GABBR2: variants seen among roughly 807,000 people sequenced by gnomAD.
GABBR2 encodes the protein gamma-aminobutyric acid type B receptor subunit 2, also known as G-protein coupled receptor 51.
Under a neutral mutation model 105.6 loss-of-function variants are expected in GABBR2, and 23 were observed. That is an observed-to-expected ratio of 0.22 (90% CI 0.16 to 0.31). The LOEUF (loss-of-function observed/expected upper bound fraction) is 0.31. GABBR2 is among the 10% of genes least tolerant of loss of function. GABBR2 has a pLI of 1.00. For synonymous variants in GABBR2, 478 were observed against 499.7 expected (o/e 0.96, Z 0.58); for missense variants, 734 against 1,245.5 (o/e 0.59, Z 6.18).
intron 1 of GABBR2, among the ~76,000 whole-genome samples, chr9:98,581,461 G>A (rs1236461995): frequency 7.7e-6 from 1 of 129,488 alleles, no homozygotes; most frequent in Non-Finnish European, 1.6e-5. Flanking sequence ...ATTTCCCCAA[G>A]AAAGAAAGAG....
chr9:98,360,762 C>T (rs1806229012), intron 13 of GABBR2, among the ~76,000 whole-genome samples: 1 of 152,206 alleles, frequency 6.6e-6, no homozygotes, highest in African/African-American at 2.4e-5. Flanking sequence ...TTAAACGGTC[C>T]AGTAGGACAG....
intron 1 of GABBR2, among the ~76,000 whole-genome samples, chr9:98,637,793 C>A (rs1390470780): frequency 1.3e-5 from 2 of 152,144 alleles, no homozygotes; most frequent in African/African-American, 4.8e-5. Context: ...GCCCACCAAG[C>A]CCCATGTTGG....
At chr9:98,559,279 A>G (rs370050957) in intron 2 of GABBR2, among the ~76,000 whole-genome samples, 67 of 152,136 alleles carry the variant, frequency 4.4e-4, no homozygotes, top group African/African-American at 1.6e-3. Flanking sequence ...ACAGGCATGC[A>G]CCACCACTCC....
rs1473286276 is a variant in GABBR2 at position 98,289,886 on chromosome 9, G to A, written c.*698C>T. On this transcript the variant is annotated 3_prime_UTR_variant, in exon 19 of 19. Coordinates refer to ENST00000259455, the MANE Select transcript of GABBR2 (RefSeq NM_005458.8). ...CCTAAATCCCCACGGTCCCAGGAAT[G>A]GGTGTTATTGTGTTAACGTGTGGCA... is the stretch of plus-strand genomic sequence containing the variant. The A allele has an allele frequency of 1.3e-5, 2 of 152,672 alleles. No homozygotes were observed. Among genetic ancestry groups the A allele is most frequent in the South Asian group, 4.1e-4 (2 of 4,836 alleles). The allele number at this position is 152,672 out of a possible 1,614,324, so 9.5% of individuals were successfully genotyped here.
At position 98,539,913 on chromosome 9, in the gene GABBR2, TAAAA is replaced by T. The variant is rs746934812; in HGVS notation, c.630+1956_630+1959del. Reference sequence around the variant, plus strand: ...CCTGGTGACAGAGTGAGACTTCGTCTAAAAAAAAAAAAAAAAAAAGAAAAAGAAA... The same window carrying T: ...CCTGGTGACAGAGTGAGACTTCGTCTAAAAAAAAAAAAAAAGAAAAAGAAA... On this transcript the variant is annotated intron_variant, in intron 3 of 18. Transcript: ENST00000259455. Among the ~76,000 whole-genome samples the T allele has an allele frequency of 8.7e-5, 9 of 103,700 alleles. No individual in the cohort carries two copies. The South Asian group carries it at 1.6e-3, about 18-fold the overall frequency. The allele number at this position is 103,700 out of a possible 152,430, so 68.0% of individuals were successfully genotyped here.
At chr9:98,687,049 A>G (rs1830628947) in intron 1 of GABBR2, among the ~76,000 whole-genome samples, 1 of 152,008 alleles carries the variant, frequency 6.6e-6, no homozygotes, top group Non-Finnish European at 1.5e-5. Context: ...CTCAACCCAC[A>G]GACTTCCTTG....
chr9:98,293,890 G>A lies in GABBR2; in HGVS notation c.2555C>T (p.Ala852Val), dbSNP rs1830341096. ...NFTESTDGGK[A>V]ILKNHLDQNP... The stretch of plus-strand genomic sequence containing the variant: ...TTGATCGAGGTGATTTTTTAAAATG[G>A]CCTTTCCTCCATCTGAATGCAAAAC... The change falls in exon 18 of 19, where the codon GCC (alanine) becomes GTC (valine). Residue 852 changes from alanine (A) to valine (V), a missense_variant. Physicochemically the swap from Ala to Val is moderately conservative, Grantham distance 64 (BLOSUM62 0). This residue lies in a region of GABBR2 where 134 missense variants were observed against 171.2 expected (regional missense o/e 0.78). Transcript: ENST00000259455. The A allele has an allele frequency of 6.2e-7, 1 of 1,601,856 alleles. No homozygotes were observed. Among genetic ancestry groups the A allele is most frequent in the African/African-American group, 1.3e-5 (1 of 74,666 alleles).
intron 4 of GABBR2, among the ~76,000 whole-genome samples, chr9:98,489,816 G>C (rs1827138331): frequency 6.6e-6 from 1 of 152,180 alleles, no homozygotes; most frequent in African/African-American, 2.4e-5. Context: ...TGTTATGCTT[G>C]GCACAGGTGG....
At chr9:98,514,906 C>T (rs1044359567) in intron 3 of GABBR2, among the ~76,000 whole-genome samples, 1 of 152,168 alleles carries the variant, frequency 6.6e-6, no homozygotes, top group Non-Finnish European at 1.5e-5. Flanking sequence ...GAAGTCTAGG[C>T]TTGTGAGATA....
chr9:98,330,826 A>C (rs1015991344), intron 13 of GABBR2, among the ~76,000 whole-genome samples: 1 of 152,194 alleles, frequency 6.6e-6, no homozygotes, highest in Non-Finnish European at 1.5e-5. Context: ...TATAGTCACA[A>C]TGCTGTGCAA....
At chr9:98,677,482 T>G (rs536389132) in intron 1 of GABBR2, among the ~76,000 whole-genome samples, 99 of 152,360 alleles carry the variant, frequency 6.5e-4, no homozygotes, top group African/African-American at 2.4e-3. Flanking sequence ...ATTGGCTATG[T>G]ATTCTCTCTT....
intron 2 of GABBR2, among the ~76,000 whole-genome samples, chr9:98,570,392 G>A (rs1463066978): frequency 6.6e-6 from 1 of 152,238 alleles, no homozygotes; most frequent in African/African-American, 2.4e-5. Flanking sequence ...CCTACGAGCA[G>A]CCCTTTATCC....
chr9:98,510,367 G>A lies in GABBR2; in HGVS notation c.631-13853C>T, dbSNP rs1195811340. Among the ~76,000 whole-genome samples, 8 of 152,230 alleles carry A rather than the reference G, an allele frequency of 5.3e-5. No individual in the cohort carries two copies. In the East Asian group the frequency reaches 1.2e-3, roughly 22 times the overall value. On this transcript the variant is annotated intron_variant, in intron 3 of 18. Transcript: ENST00000259455. Reference sequence around the variant, plus strand: ...CTAGGAAGAAACTGCATCAACTAACGAGCAAAATAAACAACTAACATCATA... The same window carrying A: ...CTAGGAAGAAACTGCATCAACTAACAAGCAAAATAAACAACTAACATCATA...
intron 2 of GABBR2, among the ~76,000 whole-genome samples, chr9:98,565,384 T>C (rs1230742590): frequency 1.3e-5 from 2 of 152,100 alleles, no homozygotes; most frequent in East Asian, 1.9e-4. Context: ...GGAAATCACA[T>C]GCAGAGGCCC....
At position 98,288,918 on chromosome 9, in the gene GABBR2, A is replaced by G. The variant is rs964603696; in HGVS notation, c.*1666T>C. On this transcript the variant is annotated 3_prime_UTR_variant, in exon 19 of 19. Coordinates refer to ENST00000259455, the MANE Select transcript of GABBR2 (RefSeq NM_005458.8). ...ATTCCTGACTGCAGTGGTTCTGGGA[A>G]GAGATTATTGCCTGCCTGTTGAAGC... 6.6e-6 allele frequency: 1 copy of G among 152,636 alleles called. No individual in the cohort carries two copies. Among genetic ancestry groups the G allele is most frequent in the Non-Finnish European group, 1.5e-5 (1 of 68,048 alleles). The allele number at this position is 152,636 out of a possible 1,614,324, so 9.5% of individuals were successfully genotyped here. A position where few individuals can be genotyped will look rare whatever the true frequency, so the allele number is the denominator to read the frequency against.
At chr9:98,449,150 A>G (rs1826188622) in intron 7 of GABBR2, among the ~76,000 whole-genome samples, 1 of 152,218 alleles carries the variant, frequency 6.6e-6, no homozygotes, top group Non-Finnish European at 1.5e-5. Flanking sequence ...CCACATGCAC[A>G]GGAGGGTTCC....
At chr9:98,639,795 G>A (rs1478422164) in intron 1 of GABBR2, among the ~76,000 whole-genome samples, 2 of 152,030 alleles carry the variant, frequency 1.3e-5, no homozygotes, top group Non-Finnish European at 2.9e-5. Flanking sequence ...CAAGGGTCCC[G>A]GTGGTCTCAT....
chr9:98,534,955 C>CA (rs112730726), intron 3 of GABBR2, among the ~76,000 whole-genome samples: 1,535 of 152,124 alleles, frequency 0.01, 24 homozygotes, highest in African/African-American at 0.035. Flanking sequence ...TTAATAATTG[C>CA]AAAAAAATGA....
At position 98,388,619 on chromosome 9, in the gene GABBR2, CTGTGTGTGTGTGTGTGTGTGTG is replaced by C. The variant is rs113747643; in HGVS notation, c.1529+213_1529+234del. Among the ~76,000 whole-genome samples, 5 of 144,468 alleles carry C rather than the reference CTGTGTGTGTGTGTGTGTGTGTG, an allele frequency of 3.5e-5. No individual in the cohort carries two copies. Among genetic ancestry groups the C allele is most frequent in the Non-Finnish European group, 6.1e-5 (4 of 65,880 alleles). 94.8% of individuals were successfully genotyped at this position (144,468 alleles called of 152,430 possible). Reference sequence around the variant, plus strand: ...TCCTGTGCAACCAGCAGCCTGGCCTCTGTGTGTGTGTGTGTGTGTGTGTGTGTGTGTGTGTGTGTGTGCGTGC... The same window carrying C: ...TCCTGTGCAACCAGCAGCCTGGCCTCTGTGTGTGTGTGTGTGTGTGCGTGC... On this transcript the variant is annotated intron_variant, in intron 10 of 18. Coordinates refer to ENST00000259455, the MANE Select transcript of GABBR2 (RefSeq NM_005458.8). This position sits in a 1 kb window ranked among gnomAD's most constrained non-coding sequence, Gnocchi z 4.4.
Sources: gnomAD v4.1 joint callset for allele counts (sites outside exome capture counted in the v4.1 genomes callset) on GRCh38, gnomAD v4.1.1 for gene constraint, gnomAD v4.1.1 regional missense constraint, Gnocchi (gnomAD v3.1) non-coding constraint, MANE v1.5 for transcripts, NCBI Gene and HGNC (gene_info 2026-07-23, HGNC 2026-07-21) for gene names.